UBE3D: variants seen among roughly 807,000 people sequenced by gnomAD.
UBE3D encodes the protein E3 ubiquitin-protein ligase E3D.
UBE3D carries 48 observed loss-of-function variants against 49.6 expected under a neutral mutation model. The observed-to-expected ratio is 0.97, with a 90% CI of 0.77 to 1.23. The LOEUF (loss-of-function observed/expected upper bound fraction) is 1.23, where lower values mean the gene tolerates loss of function less well. Among genes scored for constraint, UBE3D ranks in the 50% most tolerant of loss-of-function variants. The pLI is 0.00. For synonymous variants in UBE3D, 189 were observed against 174.2 expected (o/e 1.08, Z -0.67); for missense variants, 452 against 468.4 (o/e 0.96, Z 0.32).
chr6:83,016,367 T>A (rs1465495235), intron 8 of UBE3D, among the ~76,000 whole-genome samples: 1 of 152,194 alleles, frequency 6.6e-6, no homozygotes, highest in Non-Finnish European at 1.5e-5. Flanking sequence ...GTCAAATGTA[T>A]GTATTTTGCA....
intron 4 of UBE3D, among the ~76,000 whole-genome samples, chr6:83,040,213 G>C (rs184674407): frequency 7.5e-4 from 114 of 151,824 alleles, no homozygotes; most frequent in Middle Eastern, 6.8e-3. Flanking sequence ...TGAAACCCCT[G>C]TCTCTACTAA....
intron 6 of UBE3D, among the ~76,000 whole-genome samples, chr6:83,023,708 TA>T (rs1237132358): frequency 6.6e-6 from 1 of 152,086 alleles, no homozygotes. Flanking sequence ...ATAAGAATAA[TA>T]CAATGGACTT....
At chr6:82,989,560 GTAC>G (rs1166246995) in intron 8 of UBE3D, among the ~76,000 whole-genome samples, 3 of 152,010 alleles carry the variant, frequency 2.0e-5, no homozygotes, top group Non-Finnish European at 4.4e-5. Flanking sequence ...CAACTCTACT[GTAC>G]CATGGCAAAT....
intron 6 of UBE3D, among the ~76,000 whole-genome samples, chr6:83,023,641 C>T (rs755934873): frequency 6.6e-6 from 1 of 152,136 alleles, no homozygotes; most frequent in Non-Finnish European, 1.5e-5. Context: ...GAATGGAAAA[C>T]CAAACATCGT....
At chr6:82,888,905 TAA>T (rs1264259764), downstream of UBE3D, among the ~76,000 whole-genome samples, 7 of 152,362 alleles carry the variant, frequency 4.6e-5, no homozygotes, top group East Asian at 9.6e-4. Context: ...TCTCCCAGAT[TAA>T]GTTTTGATGA....
At chr6:83,044,329 C>T in intron 4 of UBE3D, 99 bp downstream of exon 4, 3 of 1,161,632 alleles carry the variant, frequency 2.6e-6, no homozygotes, top group Non-Finnish European at 3.7e-6. Flanking sequence ...TTGGCCTTTA[C>T]AGCAGTCTAT....
intron 9 of UBE3D, among the ~76,000 whole-genome samples, chr6:82,929,016 G>A (rs939379688): frequency 7.2e-5 from 11 of 152,024 alleles, no homozygotes; most frequent in East Asian, 1.9e-4. Flanking sequence ...ACCACATAGC[G>A]ACCAAAATAA....
intron 3 of UBE3D, among the ~76,000 whole-genome samples, chr6:83,044,901 G>A (rs1782926010): frequency 6.7e-6 from 1 of 148,944 alleles, no homozygotes; most frequent in African/African-American, 2.6e-5. Context: ...ACATGACAGT[G>A]TATTTCTTTG....
chr6:83,053,992 C>G (rs1277515193), intron 3 of UBE3D, among the ~76,000 whole-genome samples, 156 bp downstream of exon 3: 1 of 152,124 alleles, frequency 6.6e-6, no homozygotes, highest in African/African-American at 2.4e-5. Flanking sequence ...CGATTGCTAG[C>G]AAGTTTTGTG....
At chr6:83,059,718 G>A (rs536090063) in intron 1 of UBE3D, among the ~76,000 whole-genome samples, 3 of 152,200 alleles carry the variant, frequency 2.0e-5, no homozygotes, top group East Asian at 1.9e-4. Flanking sequence ...GGCCCAGCAC[G>A]GATTTGAGAA....
At chr6:83,029,268 C>T (rs1781697515) in intron 5 of UBE3D, among the ~76,000 whole-genome samples, 1 of 152,088 alleles carries the variant, frequency 6.6e-6, no homozygotes, top group African/African-American at 2.4e-5. Context: ...CTGATATTGT[C>T]CCACAAACTG....
At chr6:82,962,078 G>C (rs181902113) in intron 8 of UBE3D, among the ~76,000 whole-genome samples, 44 of 152,130 alleles carry the variant, frequency 2.9e-4, no homozygotes, top group Admixed American at 2.6e-3. Context: ...TCATGTTAGA[G>C]TAAGTGAAAA....
At chr6:83,036,745 T>C (rs923971379) in intron 5 of UBE3D, 57 of 151,072 alleles carry the variant, frequency 3.8e-4, no homozygotes, top group African/African-American at 1.3e-3. Context: ...TTTTAAGAGA[T>C]AGAGTCTCCC....
At chr6:82,969,047 A>G (rs1042585936) in intron 8 of UBE3D, among the ~76,000 whole-genome samples, 2 of 152,162 alleles carry the variant, frequency 1.3e-5, no homozygotes, top group Non-Finnish European at 2.9e-5. Context: ...AGGAGTGGTC[A>G]CTGTCATTGA....
chr6:82,927,462 GT>G (rs1217570529), intron 9 of UBE3D, among the ~76,000 whole-genome samples: 2 of 152,128 alleles, frequency 1.3e-5, no homozygotes, highest in East Asian at 3.9e-4. Context: ...TTAGAAAGAA[GT>G]GACATCCTGA....
intron 9 of UBE3D, among the ~76,000 whole-genome samples, chr6:82,924,624 TC>T (rs2127738708): frequency 6.6e-6 from 1 of 152,318 alleles, no homozygotes; most frequent in African/African-American, 2.4e-5. Context: ...GGGTATTAGC[TC>T]TATCTTTAAA....
At chr6:82,995,850 T>C (rs1278608425) in intron 8 of UBE3D, among the ~76,000 whole-genome samples, 1 of 151,998 alleles carries the variant, frequency 6.6e-6, no homozygotes, top group South Asian at 2.1e-4. Flanking sequence ...GTGGATAACT[T>C]GAGGTCAGGA....
intron 9 of UBE3D, among the ~76,000 whole-genome samples, chr6:82,898,549 T>TC (rs1159318367): frequency 2.0e-5 from 3 of 151,938 alleles, no homozygotes; most frequent in Non-Finnish European, 4.4e-5. Flanking sequence ...AAGCTGGAAA[T>TC]CATTATTCTC....
intron 8 of UBE3D, among the ~76,000 whole-genome samples, chr6:83,011,619 AC>A (rs1415965823): frequency 6.6e-6 from 1 of 151,992 alleles, no homozygotes; most frequent in Non-Finnish European, 1.5e-5. Context: ...CAGGTCAATC[AC>A]CCCGGCCAAC....
Sources: gnomAD v4.1 joint callset for allele counts (sites outside exome capture counted in the v4.1 genomes callset) on GRCh38, gnomAD v4.1.1 for gene constraint, MANE v1.5 for transcripts, NCBI Gene and HGNC (gene_info 2026-07-23, HGNC 2026-07-21) for gene names.